Variants in EPM2A observed in about 807,000 individuals in gnomAD.
The protein encoded by EPM2A is EPM2A glucan phosphatase, laforin.
In EPM2A, 21 loss-of-function variants were observed where a neutral mutation model predicts 26.5. The ratio of observed to expected loss-of-function variants is 0.79; its 90% CI spans 0.56 to 1.14. The LOEUF (loss-of-function observed/expected upper bound fraction) is 1.14. EPM2A is among the 50% of genes most tolerant of loss of function. The pLI, the probability that EPM2A is intolerant of heterozygous loss-of-function variation, is 0.00. For missense variants in EPM2A, 458 were observed against 440.8 expected, an observed-to-expected ratio of 1.04 and a Z score of -0.35; for synonymous variants, 217 against 177.6, an observed-to-expected ratio of 1.22 and a Z score of -1.76.
chr6:145,407,063 C>T (rs1230791074), intron 4 of EPM2A, among the ~76,000 whole-genome samples: 1 of 152,078 alleles, frequency 6.6e-6, no homozygotes, highest in Non-Finnish European at 1.5e-5. Flanking sequence ...TGCACAGATG[C>T]TGACCGTGCG....
chr6:145,448,597 T>C (rs1467938058), intron 4 of EPM2A, among the ~76,000 whole-genome samples: 1 of 152,202 alleles, frequency 6.6e-6, no homozygotes, highest in African/African-American at 2.4e-5. Flanking sequence ...TTATAAATAT[T>C]GCTGGCTTTG....
intron 4 of EPM2A, among the ~76,000 whole-genome samples, chr6:145,483,315 A>G (rs1779632995): frequency 6.6e-6 from 1 of 152,090 alleles, no homozygotes; most frequent in Admixed American, 6.6e-5. Flanking sequence ...CAACAAACAC[A>G]GGTAGCTCAC....
At chr6:145,602,253 A>G (rs1360674547) in intron 2 of EPM2A, among the ~76,000 whole-genome samples, 1 of 152,180 alleles carries the variant, frequency 6.6e-6, no homozygotes, top group Non-Finnish European at 1.5e-5. Context: ...TATTAATCTT[A>G]ATACATTCTA....
chr6:145,616,624 A>T (rs903322881), intron 2 of EPM2A, among the ~76,000 whole-genome samples: 1 of 152,234 alleles, frequency 6.6e-6, no homozygotes, highest in African/African-American at 2.4e-5. Context: ...AGCCCATGAA[A>T]GCAGCCAGCA....
At chr6:145,467,387 G>A (rs1274949416) in intron 4 of EPM2A, among the ~76,000 whole-genome samples, 2 of 151,972 alleles carry the variant, frequency 1.3e-5, no homozygotes, top group African/African-American at 4.8e-5. Flanking sequence ...CATTGCCTTT[G>A]TCACATATTA....
At chr6:145,475,173 T>C (rs938644407) in intron 4 of EPM2A, among the ~76,000 whole-genome samples, 18 of 152,218 alleles carry the variant, frequency 1.2e-4, no homozygotes, top group African/African-American at 4.3e-4. Context: ...TGCACACATA[T>C]GTTTTTTGCA....
rs189035029 is a variant in EPM2A, at chr6:145,583,388, G to A, written c.340+51857C>T. On this transcript the variant is annotated intron_variant, in intron 2 of 3. Coordinates refer to the EPM2A transcript ENST00000450221. ...TTGATTGTGGTATAAGATGGGTTCA[G>A]TCAACTGGCTTCAATTCTGGAAGAT... Among the ~76,000 whole-genome samples, 3 of 152,238 alleles carry A rather than the reference G, an allele frequency of 2.0e-5. No individual in the cohort carries two copies. In the East Asian group the frequency reaches 5.8e-4, roughly 29 times the overall value.
At chr6:145,677,306 A>G (rs1218151887) in intron 2 of EPM2A, among the ~76,000 whole-genome samples, 1 of 152,228 alleles carries the variant, frequency 6.6e-6, no homozygotes, top group Non-Finnish European at 1.5e-5. Flanking sequence ...GCTATTTATG[A>G]CAAACCCACA....
intron 4 of EPM2A, among the ~76,000 whole-genome samples, chr6:145,427,253 T>C (rs1778864454): frequency 6.6e-6 from 1 of 152,192 alleles, no homozygotes; most frequent in South Asian, 2.1e-4. Flanking sequence ...GTAGGTGGAA[T>C]TGGGCATGTG....
At chr6:145,715,986 T>C (rs1201713430) in intron 1 of EPM2A, among the ~76,000 whole-genome samples, 4 of 152,162 alleles carry the variant, frequency 2.6e-5, no homozygotes, top group Non-Finnish European at 4.4e-5. Flanking sequence ...CCCCAGTCCA[T>C]GGAAAAATTA....
At chr6:145,548,008 A>C (rs1019157140) in intron 2 of EPM2A, among the ~76,000 whole-genome samples, 20 of 152,214 alleles carry the variant, frequency 1.3e-4, no homozygotes, top group African/African-American at 4.8e-4. Flanking sequence ...AATAAATGAG[A>C]CCCAAATACT....
At chr6:145,432,500 C>T (rs1287426706) in intron 4 of EPM2A, among the ~76,000 whole-genome samples, 2 of 147,164 alleles carry the variant, frequency 1.4e-5, no homozygotes, top group Non-Finnish European at 3.0e-5. Context: ...TTTTTTGAGT[C>T]TTTTTTTTTT....
intron 1 of EPM2A, among the ~76,000 whole-genome samples, chr6:145,732,812 T>C (rs1349097381): frequency 5.3e-5 from 8 of 152,170 alleles, no homozygotes. Flanking sequence ...TAGTAAAAAA[T>C]AATAACTAGC....
At chr6:145,516,090 A>G (rs775214074) in intron 2 of EPM2A, among the ~76,000 whole-genome samples, 2 of 152,196 alleles carry the variant, frequency 1.3e-5, no homozygotes, top group Non-Finnish European at 2.9e-5. Context: ...ATAATTAACC[A>G]AAAGTTACCA....
chr6:145,545,694 T>A (rs2038154131), intron 2 of EPM2A, among the ~76,000 whole-genome samples: 1 of 152,144 alleles, frequency 6.6e-6, no homozygotes, highest in African/African-American at 2.4e-5. Flanking sequence ...AAATGTGCCC[T>A]ATAGAGCCCT....
rs560513404 is a variant in EPM2A at position 145,490,461 on chromosome 6, T to C, written c.555+12061A>G. On this transcript the variant is annotated intron_variant, in intron 4 of 4. Transcript: ENST00000638717. ...TTGGACATTCAAAAGGTTTTTCACCTGTATGTTTTCTAAGATGTTCTTTAA... is the reference window on the plus strand; with the variant it reads ...TTGGACATTCAAAAGGTTTTTCACCCGTATGTTTTCTAAGATGTTCTTTAA... The C allele has an allele frequency of 5.5e-6, 4 of 727,596 alleles. 1 individual carries two copies. The highest frequency in any genetic ancestry group is 4.9e-4 in the Middle Eastern group (2 of 4,072). 45.1% of individuals were successfully genotyped at this position (727,596 alleles called of 1,614,324 possible). A position where few individuals can be genotyped will look rare whatever the true frequency, so the allele number is the denominator to read the frequency against.
At chr6:145,652,392 A>G (rs1228972384) in intron 2 of EPM2A, among the ~76,000 whole-genome samples, 1 of 152,172 alleles carries the variant, frequency 6.6e-6, no homozygotes, top group Non-Finnish European at 1.5e-5. Context: ...AAATGCTGCA[A>G]CAAGTAATTT....
chr6:145,679,071 TA>T (rs1780296949), intron 2 of EPM2A, among the ~76,000 whole-genome samples: 1 of 152,032 alleles, frequency 6.6e-6, no homozygotes, highest in Non-Finnish European at 1.5e-5. Flanking sequence ...CATGCAGCCA[TA>T]AAAAAGGATG....
rs141737727 is a variant in EPM2A at position 145,643,987 on chromosome 6, G to T, written c.477-8501C>A. Among the ~76,000 whole-genome samples the T allele has an allele frequency of 3.9e-4, 59 of 152,286 alleles. 1 individual carries two copies. The East Asian group carries it at 9.6e-3, about 25-fold the overall frequency. On this transcript the variant is annotated intron_variant, in intron 2 of 3. Coordinates refer to ENST00000367519, the MANE Select transcript of EPM2A (RefSeq NM_005670.4). ...AGGACATGTGAGCTGGAGCCTGAGA[G>T]TCTGCATGTTCACGAGCTCCCATGT...
Sources: gnomAD v4.1 joint callset for allele counts (sites outside exome capture counted in the v4.1 genomes callset) on GRCh38, gnomAD v4.1.1 for gene constraint, MANE v1.5 for transcripts, NCBI Gene and HGNC (gene_info 2026-07-23, HGNC 2026-07-21) for gene names.